TBC1D19: variants seen among roughly 807,000 people sequenced by gnomAD.
The protein encoded by TBC1D19 is TBC1 domain family member 19.
Under a neutral mutation model 89.0 loss-of-function variants are expected in TBC1D19, and 60 were observed. The ratio of observed to expected loss-of-function variants is 0.67; its 90% CI spans 0.55 to 0.84. The LOEUF (loss-of-function observed/expected upper bound fraction) is 0.84, where lower values mean the gene tolerates loss of function less well. Ranked by LOEUF, TBC1D19 falls within the 40% of genes least tolerant of loss-of-function variation. The pLI, the probability that TBC1D19 is intolerant of heterozygous loss-of-function variation, is 0.00. For synonymous variants in TBC1D19, 189 were observed against 199.7 expected (o/e 0.95, Z 0.45); for missense variants, 500 against 610.8 (o/e 0.82, Z 1.91).
chr4:26,734,928 A>G (rs548375280), intron 15 of TBC1D19, among the ~76,000 whole-genome samples: 30 of 146,536 alleles, frequency 2.0e-4, no homozygotes, highest in South Asian at 4.2e-4. Context: ...ACATACACAT[A>G]TATGTGTGTA....
chr4:26,589,148 T>G (rs1739608842), intron 1 of TBC1D19, among the ~76,000 whole-genome samples: 1 of 151,972 alleles, frequency 6.6e-6, no homozygotes, highest in Middle Eastern at 3.2e-3. Flanking sequence ...GGTGGTGCAT[T>G]CCTGTAATCC....
At chr4:26,788,488 G>A in the TBC1D19 span, among the ~76,000 whole-genome samples, 1 of 152,102 alleles carries the variant, frequency 6.6e-6, no homozygotes, top group Non-Finnish European at 1.5e-5. Flanking sequence ...CTCTCTCTAT[G>A]TTGTGACACC....
At chr4:26,830,566 T>G in the TBC1D19 span, among the ~76,000 whole-genome samples, 5 of 152,186 alleles carry the variant, frequency 3.3e-5, no homozygotes, top group African/African-American at 1.2e-4. Context: ...GCAGTTATCT[T>G]CTGTTACTGG....
upstream of TBC1D19, among the ~76,000 whole-genome samples, chr4:26,580,905 A>G (rs1739049990): frequency 6.6e-6 from 1 of 152,150 alleles, no homozygotes; most frequent in African/African-American, 2.4e-5. Context: ...GCCCCTCCCC[A>G]GTAAAATCTG....
At chr4:26,841,819 C>T in the TBC1D19 span, among the ~76,000 whole-genome samples, 1 of 152,120 alleles carries the variant, frequency 6.6e-6, no homozygotes, top group Admixed American at 6.6e-5. Flanking sequence ...GGGGTCAAGC[C>T]ATAAAATATG....
chr4:26,672,005 T>G, intron 9 of TBC1D19, 144 bp from the exon 10 acceptor site: 37 of 311,024 alleles, frequency 1.2e-4, no homozygotes, highest in Non-Finnish European at 1.7e-4. Flanking sequence ...TTTTTACATA[T>G]GAGATATTCT....
At chr4:26,753,020 A>AT (rs1193407582) in intron 19 of TBC1D19, among the ~76,000 whole-genome samples, 1 of 151,892 alleles carries the variant, frequency 6.6e-6, no homozygotes, top group Non-Finnish European at 1.5e-5. Context: ...TAATGTTTGG[A>AT]TTTTTTTGAA....
chr4:26,596,252 C>T (rs1389654061), intron 1 of TBC1D19, among the ~76,000 whole-genome samples: 7 of 152,118 alleles, frequency 4.6e-5, no homozygotes, highest in Non-Finnish European at 8.8e-5. Context: ...CCACCGTGCT[C>T]GGCCCATACA....
the TBC1D19 span, among the ~76,000 whole-genome samples, chr4:26,836,966 G>A: frequency 6.6e-6 from 1 of 152,188 alleles, no homozygotes; most frequent in Non-Finnish European, 1.5e-5. Flanking sequence ...CATCTAGAGT[G>A]GGAGTCTATT....
Position 26,590,806 on chromosome 4 carries a change from T to G in TBC1D19, c.99+6514T>G, listed in dbSNP as rs930018239. Among the ~76,000 whole-genome samples, 24 of 118,990 alleles carry G rather than the reference T, an allele frequency of 2.0e-4. No homozygotes were observed. The East Asian group carries it at 3.7e-3, about 18-fold the overall frequency. The allele number at this position is 118,990 out of a possible 152,430, so 78.1% of individuals were successfully genotyped here. ...TTGTCTTGCAGGTCTGTTTTTTTTT[T>G]TTTTTTTTTTTTTTTTTTTTTGTGA... On this transcript the variant is annotated intron_variant, in intron 1 of 20. Coordinates refer to ENST00000264866, the MANE Select transcript of TBC1D19 (RefSeq NM_018317.4).
intron 16 of TBC1D19, among the ~76,000 whole-genome samples, chr4:26,736,822 G>A (rs148792792): frequency 6.6e-6 from 1 of 152,324 alleles, no homozygotes. Flanking sequence ...ACACGTGGGT[G>A]ATGCATATGC....
chr4:26,780,776 AT>A, the TBC1D19 span, among the ~76,000 whole-genome samples: 1 of 152,170 alleles, frequency 6.6e-6, no homozygotes, highest in African/African-American at 2.4e-5. Context: ...GAGAGAAGAC[AT>A]TTCCTGGCCC....
chr4:26,652,961 G>A (rs1744505743), intron 7 of TBC1D19, among the ~76,000 whole-genome samples: 1 of 152,046 alleles, frequency 6.6e-6, no homozygotes. Flanking sequence ...TGTGATGTTA[G>A]GGTGTCAATT....
intron 16 of TBC1D19, 134 bp from the exon 17 acceptor site, chr4:26,739,730 A>C (rs80349380): frequency 0.013 from 6,285 of 468,480 alleles, 189 homozygotes; most frequent in East Asian, 0.093. Context: ...AATGAAAAAA[A>C]GTAGTATGAT....
chr4:26,607,459 T>C (rs1741083713), intron 1 of TBC1D19, among the ~76,000 whole-genome samples: 1 of 152,180 alleles, frequency 6.6e-6, no homozygotes, highest in African/African-American at 2.4e-5. Flanking sequence ...TAAGGTATTA[T>C]TTTTCCTACT....
chr4:26,857,732 G>C, the TBC1D19 span: 1 of 152,278 alleles, frequency 6.6e-6, no homozygotes. Context: ...CCCGCCAGTC[G>C]GGAACCGGTT....
chr4:26,827,717 G>GTTT, the TBC1D19 span, among the ~76,000 whole-genome samples: 666 of 143,726 alleles, frequency 4.6e-3, 6 homozygotes, highest in African/African-American at 0.015. Flanking sequence ...TTTTTGTTTT[G>GTTT]TTTTTTTTTT....
intron 4 of TBC1D19, among the ~76,000 whole-genome samples, chr4:26,630,692 C>G (rs1742753409): frequency 6.6e-6 from 1 of 151,990 alleles, no homozygotes; most frequent in Non-Finnish European, 1.5e-5. Flanking sequence ...CATAATTTCA[C>G]TGAGTTAAGT....
rs530294936 is a variant in TBC1D19 at position 26,752,204 on chromosome 4, C to T, written c.1436-1616C>T. ...TGTTTGCATTAGGTATGCAGTATAC[C>T]TAGGAACCAGTCTTCCAAATAATTT... On this transcript the variant is annotated intron_variant, in intron 19 of 20. Coordinates refer to ENST00000264866, the MANE Select transcript of TBC1D19 (RefSeq NM_018317.4). Among the ~76,000 whole-genome samples the T allele has an allele frequency of 1.5e-4, 23 of 150,990 alleles. No homozygotes were observed. In the South Asian group the frequency reaches 4.6e-3, roughly 30 times the overall value.
Sources: allele counts gnomAD v4.1 joint callset (sites outside exome capture counted in the v4.1 genomes callset), GRCh38; gene constraint gnomAD v4.1.1; transcripts MANE v1.5; gene names NCBI Gene and HGNC (gene_info 2026-07-23, HGNC 2026-07-21).